TYK2: variants seen among roughly 807,000 people sequenced by gnomAD.
The protein encoded by TYK2 is non-receptor tyrosine-protein kinase TYK2.
In TYK2, 65 loss-of-function variants were observed where a neutral mutation model predicts 130.9. The ratio of observed to expected loss-of-function variants is 0.50; its 90% CI spans 0.41 to 0.61. The LOEUF is 0.61. Among genes scored for constraint, TYK2 ranks in the 20% least tolerant of loss-of-function variants. The probability of loss-of-function intolerance (pLI) is 0.00; values close to 1 mark genes in which losing one functional copy is unlikely to be tolerated. For missense variants in TYK2, 1,378 were observed against 1,610.7 expected, an observed-to-expected ratio of 0.86 and a Z score of 2.47; for synonymous variants, 647 against 658.9, an observed-to-expected ratio of 0.98 and a Z score of 0.28.
At chr19:10,356,858 G>T in intron 17 of TYK2, 140 bp from the exon 18 acceptor site, 1 of 873,748 alleles carries the variant, frequency 1.1e-6, no homozygotes, top group Non-Finnish European at 1.8e-6. Context: ...GGCAACTGAG[G>T]CTCCACAAAG....
In TYK2 at chr19:10,358,109, C is replaced by A; in HGVS notation, c.2205G>T (p.Val735=). 1 of 1,611,302 alleles carries A rather than the reference C, an allele frequency of 6.2e-7. No individual in the cohort carries two copies. Among genetic ancestry groups the A allele is most frequent in the South Asian group, 1.1e-5 (1 of 90,712 alleles). ...GGGCCAGCAGGATGTTCCGGCCACA[C>A]ACATTACCATGAACCAGGTTCTTGT... The part of the protein sequence containing the change: ...LENKNLVHGN[V]CGRNILLARL... Residue 735 remains valine (V), a synonymous_variant, in exon 16 of 25, where the codon GTG becomes GTT. Transcript: ENST00000525621.
At position 10,354,125 on chromosome 19, in the gene TYK2, G is replaced by A. The variant is rs2040960226; in HGVS notation, c.2825C>T (p.Ser942Leu). The stretch of plus-strand genomic sequence containing the variant: ...AATGTCAATCTCCTGCTTCCAGCCC[G>A]AGCGGTGCTGGGGGCCGCAGTCTGC... Reference protein sequence around the residue: ...LKADCGPQHRSGWKQEIDILR... With the variant: ...LKADCGPQHRLGWKQEIDILR... Residue 942 changes from serine to leucine, a missense_variant, in exon 20 of 25, where the codon TCG becomes TTG. Ser to Leu is a moderately radical substitution (Grantham distance 145, BLOSUM62 -2). Coordinates refer to ENST00000525621, the MANE Select transcript of TYK2 (RefSeq NM_003331.5). The A allele has an allele frequency of 1.9e-6, 3 of 1,614,038 alleles. No individual in the cohort carries two copies. Among genetic ancestry groups the A allele is most frequent in the Non-Finnish European group, 2.5e-6 (3 of 1,180,022 alleles).
chr19:10,368,496 C>G (rs1219150736), intron 3 of TYK2, 78 bp from the exon 4 acceptor site: 2 of 1,604,892 alleles, frequency 1.2e-6, no homozygotes, highest in Non-Finnish European at 1.7e-6. Flanking sequence ...GACCCAATGT[C>G]TGCCTTCACA....
rs1279335286 is a variant in TYK2, at chr19:10,353,133, G to T, written c.3028-35C>A. 1.4e-6 allele frequency: 2 copies of T among 1,466,182 alleles called. No homozygotes were observed. The highest frequency in any genetic ancestry group is 1.4e-5 in the South Asian group (1 of 71,900). 90.8% of individuals were successfully genotyped at this position (1,466,182 alleles called of 1,614,324 possible). A position where few individuals can be genotyped will look rare whatever the true frequency, so the allele number is the denominator to read the frequency against. On this transcript the variant is annotated intron_variant, in intron 21 of 24. Transcript: ENST00000525621. This position sits in a 1 kb window ranked among gnomAD's most constrained non-coding sequence, Gnocchi z 6.9. ...GGGCAGGGCTCGTGAGTTTCAGTGG[G>T]GCGGGGTTCGGCCGGGGGCGGCGGC...
In TYK2 at chr19:10,353,863, A is replaced by T. The variant is rs1239005148; in HGVS notation, c.2908+179T>A. The T allele has an allele frequency of 6.7e-6, 5 of 747,464 alleles. No homozygotes were observed. Among genetic ancestry groups the T allele is most frequent in the Non-Finnish European group, 1.1e-5 (5 of 454,456 alleles). 46.3% of individuals were successfully genotyped at this position (747,464 alleles called of 1,614,324 possible). A position where few individuals can be genotyped will look rare whatever the true frequency, so the allele number is the denominator to read the frequency against. ...GTCCATCCTGGCCCCAGCAGGTAGC[A>T]CCCCCCAGATGGGAAGGAGGCAGCC... On this transcript the variant is annotated intron_variant, in intron 20 of 24. Transcript: ENST00000525621. This position sits in a 1 kb window ranked among gnomAD's most constrained non-coding sequence, Gnocchi z 6.9.
chr19:10,377,546 G>A (rs1325728556), intron 3 of TYK2, among the ~76,000 whole-genome samples: 4 of 130,096 alleles, frequency 3.1e-5, no homozygotes, highest in East Asian at 2.3e-4. Flanking sequence ...ATGGATGGAT[G>A]GGTGGGTGGG....
intron 3 of TYK2, among the ~76,000 whole-genome samples, chr19:10,377,575 G>C (rs1345350531): frequency 3.3e-5 from 4 of 121,836 alleles, no homozygotes; most frequent in Non-Finnish European, 3.5e-5. Context: ...TGGGTGGGTG[G>C]GTGGATGGAT....
chr19:10,374,584 CAAAAAAAAAAA>C, intron 3 of TYK2, among the ~76,000 whole-genome samples: 1 of 50,124 alleles, frequency 2.0e-5, no homozygotes, highest in South Asian at 7.3e-4. Context: ...GACTCCGTCT[CAAAAAAAAAAA>C]AAAAAAAAAA....
In TYK2 at chr19:10,378,248, A is replaced by G. The variant is rs749032449; in HGVS notation, c.159T>C (p.Ala53=). Residue 53 remains alanine (A), a synonymous_variant, in exon 3 of 25, where the codon GCT becomes GCC. Coordinates refer to ENST00000525621, the MANE Select transcript of TYK2 (RefSeq NM_003331.5). ...GTGCAATGTGGATGCAGACTTCCTC[A>G]GCTGTCAGCGATGACTCACTGAAAG... is the stretch of plus-strand genomic sequence containing the variant. The part of the protein sequence containing the change: ...WVTFSESSLT[A]EEVCIHIAHK... 5.0e-6 allele frequency: 8 copies of G among 1,612,746 alleles called. No homozygotes were observed. The South Asian group carries it at 7.7e-5, about 15-fold the overall frequency.
intron 3 of TYK2, among the ~76,000 whole-genome samples, chr19:10,374,094 G>T (rs2042019726): frequency 6.6e-6 from 1 of 151,926 alleles, no homozygotes; most frequent in African/African-American, 2.4e-5. Context: ...GTGAAACCCT[G>T]TCTCTACTAA....
At position 10,368,328 on chromosome 19, in the gene TYK2, C is replaced by A; in HGVS notation, c.284G>T (p.Arg95Ile). The A allele has an allele frequency of 6.2e-7, 1 of 1,614,156 alleles. No individual in the cohort carries two copies. Among genetic ancestry groups the A allele is most frequent in the Non-Finnish European group, 8.5e-7 (1 of 1,180,032 alleles). ...LPPNHILEIP[R>I]DASLMLYFRI... Reference sequence around the variant, plus strand: ...GAAATATAGCATCAGGCTTGCATCTCTGGGGATCTCTAGGATGTGGTTTGG... The same window carrying A: ...GAAATATAGCATCAGGCTTGCATCTATGGGGATCTCTAGGATGTGGTTTGG... Residue 95 changes from arginine (R) to isoleucine (I), a missense_variant, in exon 4 of 25, where the codon AGA (arginine) becomes ATA (isoleucine). Coordinates refer to ENST00000525621, the MANE Select transcript of TYK2 (RefSeq NM_003331.5).
chr19:10,363,720 A>G (rs888281302), intron 9 of TYK2, among the ~76,000 whole-genome samples: 2 of 152,222 alleles, frequency 1.3e-5, no homozygotes, highest in African/African-American at 4.8e-5. Context: ...CAGAGGTGAC[A>G]CAAACATGCA....
intron 17 of TYK2, 90 bp from the exon 18 acceptor site, chr19:10,356,808 C>T (rs778847763): frequency 7.5e-5 from 102 of 1,360,768 alleles, no homozygotes; most frequent in Non-Finnish European, 9.7e-5. Flanking sequence ...CAGAGTGGAC[C>T]GCCAGGTGCC....
At chr19:10,378,086 A>ATGGGTGGATGGG (rs2042236219) in intron 3 of TYK2, 128 bp downstream of exon 3, 1 of 851,960 alleles carries the variant, frequency 1.2e-6, no homozygotes, top group Non-Finnish European at 1.7e-6. Flanking sequence ...GGGTGGATGG[A>ATGGGTGGATGGG]TGGATGGATG....
intron 3 of TYK2, among the ~76,000 whole-genome samples, chr19:10,371,977 G>A (rs2041922589): frequency 6.6e-6 from 1 of 151,788 alleles, no homozygotes; most frequent in South Asian, 2.1e-4. Context: ...TGGCCTCAGG[G>A]AAGATGTTTC....
Position 10,353,143 on chromosome 19 carries a change from G to A in TYK2, c.3028-45C>T, listed in dbSNP as rs1266993625. 6.9e-7 allele frequency: 1 copy of A among 1,441,110 alleles called. No individual in the cohort carries two copies. The highest frequency in any genetic ancestry group is 1.4e-5 in the South Asian group (1 of 68,988). The allele number at this position is 1,441,110 out of a possible 1,614,324, so 89.3% of individuals were successfully genotyped here. A position where few individuals can be genotyped will look rare whatever the true frequency, so the allele number is the denominator to read the frequency against. On this transcript the variant is annotated intron_variant, in intron 21 of 24. Transcript: ENST00000525621. The surrounding 1 kb of genome is among the most constrained non-coding windows in gnomAD (Gnocchi z 6.9). ...CGTGAGTTTCAGTGGGGCGGGGTTC[G>A]GCCGGGGGCGGCGGCAGGACCTGAG...
At chr19:10,366,324 G>T in intron 6 of TYK2, 93 bp downstream of exon 6, 1 of 1,332,256 alleles carries the variant, frequency 7.5e-7, no homozygotes, top group Non-Finnish European at 1.0e-6. Flanking sequence ...AAAAAAAGTA[G>T]AGGCACGGCA....
rs1398701423 is a variant in TYK2 at position 10,351,018 on chromosome 19, T to A, written c.3429+34A>T. The A allele has an allele frequency of 1.9e-6, 3 of 1,614,018 alleles. No homozygotes were observed. The East Asian group carries it at 6.7e-5, about 36-fold the overall frequency. On this transcript the variant is annotated intron_variant, in intron 24 of 24. Coordinates refer to ENST00000525621, the MANE Select transcript of TYK2 (RefSeq NM_003331.5). ...GGGGGCTGCCCTCTCCACAGCAGGA[T>A]AGTGGGGTCAGGGAAAGACAAAGGA...
chr19:10,377,373 T>C (rs1485721926), intron 3 of TYK2, among the ~76,000 whole-genome samples: 2 of 143,220 alleles, frequency 1.4e-5, no homozygotes, highest in Non-Finnish European at 3.1e-5. Context: ...GATGGATGGA[T>C]AGATGGATGA....
Sources: gnomAD v4.1 joint callset for allele counts (sites outside exome capture counted in the v4.1 genomes callset) on GRCh38, gnomAD v4.1.1 for gene constraint, Gnocchi (gnomAD v3.1) non-coding constraint, MANE v1.5 for transcripts, NCBI Gene and HGNC (gene_info 2026-07-23, HGNC 2026-07-21) for gene names.